MYO3A: variants seen among roughly 807,000 people sequenced by gnomAD.
MYO3A encodes the protein myosin IIIA, also known as myosin-IIIa.
Under a neutral mutation model 192.7 loss-of-function variants are expected in MYO3A, and 180 were observed. The observed-to-expected ratio is 0.93, with a 90% CI of 0.83 to 1.06. The LOEUF (loss-of-function observed/expected upper bound fraction) is 1.06. Ranked by LOEUF, MYO3A falls within the 50% of genes least tolerant of loss-of-function variation. MYO3A has a pLI of 0.00. For missense variants in MYO3A, 1,896 were observed against 1,905.0 expected (o/e 1.00, Z 0.09); for synonymous variants, 628 against 645.3 (o/e 0.97, Z 0.41).
chr10:26,161,317 A>G (rs1048921145), intron 26 of MYO3A, among the ~76,000 whole-genome samples: 1 of 152,264 alleles, frequency 6.6e-6, no homozygotes, highest in Admixed American at 6.5e-5. Context: ...TAACAAAGAA[A>G]CAATCTTAAG....
At chr10:25,955,588 G>A (rs1270735930) in intron 4 of MYO3A, among the ~76,000 whole-genome samples, 1 of 152,112 alleles carries the variant, frequency 6.6e-6, no homozygotes, top group Non-Finnish European at 1.5e-5. Context: ...TTACACTTAA[G>A]CAATCCTCTC....
intron 26 of MYO3A, among the ~76,000 whole-genome samples, chr10:26,158,249 A>T (rs1038575560): frequency 1.5e-4 from 22 of 142,942 alleles, no homozygotes; most frequent in Middle Eastern, 3.5e-3. Context: ...GGAATGTTTT[A>T]TTTTATTTTT....
intron 2 of MYO3A, among the ~76,000 whole-genome samples, chr10:25,942,580 A>G (rs1345806875): frequency 6.6e-6 from 1 of 152,226 alleles, no homozygotes; most frequent in Non-Finnish European, 1.5e-5. Flanking sequence ...CAATTTCTCT[A>G]CAACATTAAC....
chr10:25,951,124 A>G (rs1243962807), intron 2 of MYO3A, among the ~76,000 whole-genome samples: 1 of 152,170 alleles, frequency 6.6e-6, no homozygotes, highest in South Asian at 2.1e-4. Flanking sequence ...TATTGGACAT[A>G]CAGTAATGAT....
intron 26 of MYO3A, among the ~76,000 whole-genome samples, chr10:26,164,511 G>A (rs1179074900): frequency 6.6e-6 from 1 of 152,106 alleles, no homozygotes; most frequent in Non-Finnish European, 1.5e-5. Context: ...AGGTACGGAG[G>A]GCAGGGGCTG....
chr10:26,144,417 C>T (rs1399235277), intron 21 of MYO3A, among the ~76,000 whole-genome samples: 1 of 151,646 alleles, frequency 6.6e-6, no homozygotes, highest in African/African-American at 2.4e-5. Context: ...CTTTCTGACT[C>T]ACTGATTGGC....
At chr10:26,205,032 TTG>T (rs1256879447) in intron 34 of MYO3A, among the ~76,000 whole-genome samples, 2 of 152,212 alleles carry the variant, frequency 1.3e-5, no homozygotes, top group Admixed American at 1.3e-4. Context: ...GAATATCTTT[TTG>T]TGTATATACA....
rs74951019 is a variant in MYO3A, at chr10:25,944,861, A to G, written c.-17-7233A>G. Among the ~76,000 whole-genome samples the G allele has an allele frequency of 3.8e-4, 58 of 152,124 alleles. No individual in the cohort carries two copies. The East Asian group carries it at 0.01, about 27-fold the overall frequency. Reference sequence around the variant, plus strand: ...ACTCATGGTTTTGTTGATTTTCTCTACATTTTTATTCTCTATTTTATTTAT... The same window carrying G: ...ACTCATGGTTTTGTTGATTTTCTCTGCATTTTTATTCTCTATTTTATTTAT... On this transcript the variant is annotated intron_variant, in intron 2 of 34. Coordinates refer to ENST00000642920, the MANE Select transcript of MYO3A (RefSeq NM_017433.5).
intron 1 of MYO3A, 56 bp from the exon 2 acceptor site, chr10:25,935,688 C>T (rs1184160709): frequency 7.9e-5 from 12 of 152,190 alleles, no homozygotes; most frequent in Admixed American, 7.9e-4. Flanking sequence ...ATTATTTTCC[C>T]CAGATCCTGA....
chr10:26,116,506 T>G (rs1252176335), intron 17 of MYO3A, among the ~76,000 whole-genome samples: 2 of 152,208 alleles, frequency 1.3e-5, no homozygotes, highest in Non-Finnish European at 2.9e-5. Flanking sequence ...GACCACGTTC[T>G]GAGTACTGGG....
rs181705620 is a variant in MYO3A, at chr10:25,948,383, C to T, written c.-17-3711C>T. ...AAGCTCAATATATAATAAATCTATTCAAAAAGATGAGTATTCATTTCAAAA... is the reference window on the plus strand; with the variant it reads ...AAGCTCAATATATAATAAATCTATTTAAAAAGATGAGTATTCATTTCAAAA... On this transcript the variant is annotated intron_variant, in intron 2 of 34. Coordinates refer to ENST00000642920, the MANE Select transcript of MYO3A (RefSeq NM_017433.5). Among the ~76,000 whole-genome samples, 799 of 152,004 alleles carry T rather than the reference C, an allele frequency of 5.3e-3. 3 individuals carry two copies. Among genetic ancestry groups the T allele is most frequent in the Admixed American group, 8.6e-3 (131 of 15,268 alleles).
intron 4 of MYO3A, 62 bp downstream of exon 4, chr10:25,955,070 T>C: frequency 1.3e-6 from 2 of 1,566,880 alleles, no homozygotes; most frequent in Non-Finnish European, 1.8e-6. Context: ...AAATGACTTG[T>C]TATACTATTT....
intron 6 of MYO3A, among the ~76,000 whole-genome samples, chr10:26,006,061 C>T (rs1841181017): frequency 6.6e-6 from 1 of 151,990 alleles, no homozygotes; most frequent in South Asian, 2.1e-4. Flanking sequence ...AGCTATTTAA[C>T]ATTATAGAAA....
chr10:26,030,139 G>A (rs1054129410), intron 10 of MYO3A, among the ~76,000 whole-genome samples: 21 of 151,962 alleles, frequency 1.4e-4, no homozygotes, highest in African/African-American at 3.9e-4. Flanking sequence ...ACCACACCTC[G>A]GTCAAGGCCT....
At chr10:26,102,092 G>A (rs528861566) in intron 17 of MYO3A, among the ~76,000 whole-genome samples, 37 of 152,202 alleles carry the variant, frequency 2.4e-4, no homozygotes, top group African/African-American at 8.9e-4. Flanking sequence ...AGCTTTGTTT[G>A]TTTCTTTTTA....
At chr10:26,117,285 A>G (rs529654082) in intron 17 of MYO3A, among the ~76,000 whole-genome samples, 22 of 152,254 alleles carry the variant, frequency 1.4e-4, no homozygotes, top group African/African-American at 5.1e-4. Flanking sequence ...TACTCATTAT[A>G]TCGGTAACAT....
intron 20 of MYO3A, among the ~76,000 whole-genome samples, chr10:26,140,167 T>C (rs536285337): frequency 2.1e-4 from 32 of 152,294 alleles, no homozygotes; most frequent in African/African-American, 7.5e-4. Flanking sequence ...TGCTTAAATT[T>C]GCACCTGATT....
intron 11 of MYO3A, 127 bp from the exon 12 acceptor site, chr10:26,068,641 T>G: frequency 1.7e-6 from 1 of 600,022 alleles, no homozygotes; most frequent in Non-Finnish European, 3.0e-6. Context: ...TTTTTTACTA[T>G]CAGTGTGTCT....
chr10:25,976,276 T>C (rs1838958985), intron 4 of MYO3A, among the ~76,000 whole-genome samples: 1 of 152,172 alleles, frequency 6.6e-6, no homozygotes, highest in Non-Finnish European at 1.5e-5. Flanking sequence ...TCCAAAAGAC[T>C]CAAGCATGAA....
Sources: allele counts gnomAD v4.1 joint callset (sites outside exome capture counted in the v4.1 genomes callset), GRCh38; gene constraint gnomAD v4.1.1; transcripts MANE v1.5; gene names NCBI Gene and HGNC (gene_info 2026-07-23, HGNC 2026-07-21).